BCL2: variants seen among roughly 807,000 people sequenced by gnomAD.
BCL2 encodes apoptosis regulator Bcl-2.
In BCL2, 1 loss-of-function variant was observed where a neutral mutation model predicts 14.2. The observed-to-expected ratio is 0.07, with a 90% CI of 0.02 to 0.33. The LOEUF (loss-of-function observed/expected upper bound fraction) is 0.33, where lower values mean the gene tolerates loss of function less well. BCL2 is among the 10% of genes least tolerant of loss of function. The pLI is 0.99. For synonymous variants in BCL2, 151 were observed against 137.2 expected, an observed-to-expected ratio of 1.10 and a Z score of -0.70; for missense variants, 247 against 305.9, an observed-to-expected ratio of 0.81 and a Z score of 1.44.
intron 2 of BCL2, among the ~76,000 whole-genome samples, chr18:63,291,287 A>G (rs1475717544): frequency 6.6e-6 from 1 of 152,240 alleles, no homozygotes; most frequent in Admixed American, 6.5e-5. Context: ...ATTTGTCGAA[A>G]GAATCTCTAA....
At chr18:63,283,428 G>A (rs997917288) in intron 2 of BCL2, among the ~76,000 whole-genome samples, 1 of 152,106 alleles carries the variant, frequency 6.6e-6, no homozygotes, top group Admixed American at 6.5e-5. Context: ...GGGAGGTACC[G>A]TCTTTTCCTG....
intron 2 of BCL2, among the ~76,000 whole-genome samples, chr18:63,204,743 C>A (rs187362845): frequency 1.3e-5 from 2 of 152,246 alleles, no homozygotes; most frequent in Admixed American, 6.5e-5. Context: ...AAGTATTATA[C>A]TACCTAGGAA....
intron 2 of BCL2, among the ~76,000 whole-genome samples, chr18:63,239,278 C>A (rs1252568325): frequency 6.6e-6 from 1 of 152,174 alleles, no homozygotes; most frequent in African/African-American, 2.4e-5. Context: ...CTGCTGGAAG[C>A]AAAATGGAAG....
chr18:63,181,545 A>C (rs1915481974), intron 2 of BCL2, among the ~76,000 whole-genome samples: 1 of 152,234 alleles, frequency 6.6e-6, no homozygotes, highest in African/African-American at 2.4e-5. Context: ...TAGCTCTCCT[A>C]AAACAACATT....
At chr18:63,216,068 C>G (rs12967026) in intron 2 of BCL2, among the ~76,000 whole-genome samples, 109,481 of 151,834 alleles carry the variant, frequency 0.72, 40,009 homozygotes, top group Middle Eastern at 0.8. Flanking sequence ...AGACAGGAGC[C>G]TATCAACATA....
Position 63,149,047 on chromosome 18 carries a change from A to G in BCL2, c.586-20288T>C, listed in dbSNP as rs904148881. Reference sequence around the variant, plus strand: ...CGGGCCTGCCCAGAGCCACGAAGTCATAAGTGTGCATGGAGCAGCGACGTG... The same window carrying G: ...CGGGCCTGCCCAGAGCCACGAAGTCGTAAGTGTGCATGGAGCAGCGACGTG... On this transcript the variant is annotated intron_variant, in intron 2 of 2. Transcript: ENST00000333681. The surrounding 1 kb of genome is among the most constrained non-coding windows in gnomAD (Gnocchi z 4.2). Among the ~76,000 whole-genome samples, 11 of 152,232 alleles carry G rather than the reference A, an allele frequency of 7.2e-5. No homozygotes were observed. The highest frequency in any genetic ancestry group is 2.4e-4 in the African/African-American group (10 of 41,466).
At chr18:63,280,922 G>C (rs765772406) in intron 2 of BCL2, among the ~76,000 whole-genome samples, 3 of 152,162 alleles carry the variant, frequency 2.0e-5, no homozygotes, top group Non-Finnish European at 2.9e-5. Context: ...AGTCCAAAAG[G>C]GGAAGCAGCT....
chr18:63,186,121 A>G (rs1915588891), intron 2 of BCL2, among the ~76,000 whole-genome samples: 1 of 152,232 alleles, frequency 6.6e-6, no homozygotes, highest in African/African-American at 2.4e-5. Context: ...CATTGACTCA[A>G]CTGGAGAGCC....
At chr18:63,317,783 T>G in intron 2 of BCL2, 3 of 1,253,820 alleles carry the variant, frequency 2.4e-6, no homozygotes, top group East Asian at 7.1e-5. Context: ...GACCTTCAGC[T>G]TGAGAAACAC....
chr18:63,303,254 T>C (rs1048593478), intron 2 of BCL2, among the ~76,000 whole-genome samples: 2 of 152,206 alleles, frequency 1.3e-5, no homozygotes, highest in African/African-American at 2.4e-5. Flanking sequence ...CTCTGACCCC[T>C]GTAAGAGCTT....
At chr18:63,192,260 C>G (rs1055230280) in intron 2 of BCL2, among the ~76,000 whole-genome samples, 2 of 152,134 alleles carry the variant, frequency 1.3e-5, no homozygotes, top group African/African-American at 4.8e-5. Flanking sequence ...AGGGGCAGTA[C>G]AATGTAGGCA....
At chr18:63,233,341 G>T (rs1413503319) in intron 2 of BCL2, among the ~76,000 whole-genome samples, 1 of 152,140 alleles carries the variant, frequency 6.6e-6, no homozygotes, top group Non-Finnish European at 1.5e-5. Flanking sequence ...GATAAAGCAA[G>T]TTCCAGAAAG....
At chr18:63,191,959 C>G (rs1909301333) in intron 2 of BCL2, among the ~76,000 whole-genome samples, 1 of 152,224 alleles carries the variant, frequency 6.6e-6, no homozygotes, top group South Asian at 2.1e-4. Context: ...TTTAAATCAT[C>G]TACAGCCTGA....
chr18:63,264,350 G>A (rs1336520138), intron 2 of BCL2, among the ~76,000 whole-genome samples: 1 of 152,160 alleles, frequency 6.6e-6, no homozygotes, highest in Non-Finnish European at 1.5e-5. Context: ...CACACCCCCT[G>A]TAAAACTGGA....
intron 2 of BCL2, among the ~76,000 whole-genome samples, chr18:63,174,144 T>G (rs1915294164): frequency 6.6e-6 from 1 of 152,192 alleles, no homozygotes; most frequent in Admixed American, 6.5e-5. Flanking sequence ...ATATGTATAT[T>G]TACTCATTTA....
intron 2 of BCL2, among the ~76,000 whole-genome samples, chr18:63,133,517 G>A (rs1278072658): frequency 6.6e-6 from 1 of 151,858 alleles, no homozygotes; most frequent in African/African-American, 2.4e-5. Flanking sequence ...CAAACTCCTG[G>A]CCTCAAGTGA....
At chr18:63,273,763 C>G (rs1001273379) in intron 2 of BCL2, among the ~76,000 whole-genome samples, 3 of 152,174 alleles carry the variant, frequency 2.0e-5, no homozygotes, top group African/African-American at 7.2e-5. Flanking sequence ...TCACGCCTGA[C>G]TCCTCCCTCT....
chr18:63,282,748 G>C (rs947720006), intron 2 of BCL2, among the ~76,000 whole-genome samples: 11 of 151,934 alleles, frequency 7.2e-5, no homozygotes, highest in Admixed American at 3.9e-4. Context: ...TATAGGCCCT[G>C]GTTCACAGAA....
intron 2 of BCL2, among the ~76,000 whole-genome samples, chr18:63,263,961 G>A (rs1911740239): frequency 6.6e-6 from 1 of 152,170 alleles, no homozygotes; most frequent in African/African-American, 2.4e-5. Flanking sequence ...GCAGAGACCG[G>A]GTTTCACCAT....
Sources: gnomAD v4.1 joint callset for allele counts (sites outside exome capture counted in the v4.1 genomes callset) on GRCh38, gnomAD v4.1.1 for gene constraint, Gnocchi (gnomAD v3.1) non-coding constraint, MANE v1.5 for transcripts, NCBI Gene and HGNC (gene_info 2026-07-23, HGNC 2026-07-21) for gene names.